BCKDHB: variants seen among roughly 807,000 people sequenced by gnomAD.
BCKDHB encodes 2-oxoisovalerate dehydrogenase subunit beta, mitochondrial.
In BCKDHB, 41 loss-of-function variants were observed where a neutral mutation model predicts 48.5. The observed-to-expected ratio is 0.85, with a 90% CI of 0.66 to 1.10. The LOEUF is 1.10. Among genes scored for constraint, BCKDHB ranks in the 50% least tolerant of loss-of-function variants. The probability of loss-of-function intolerance (pLI) is 0.00; values close to 1 mark genes in which losing one functional copy is unlikely to be tolerated. For synonymous variants in BCKDHB, 201 were observed against 174.8 expected (o/e 1.15, Z -1.18); for missense variants, 496 against 494.2 (o/e 1.00, Z -0.03).
chr6:80,428,088 G>C, the BCKDHB span, among the ~76,000 whole-genome samples: 1 of 147,066 alleles, frequency 6.8e-6, no homozygotes, highest in Non-Finnish European at 1.5e-5. Flanking sequence ...TGTTCTCATT[G>C]TTCAACTCCC....
intron 9 of BCKDHB, among the ~76,000 whole-genome samples, chr6:80,297,170 C>T (rs1767299984): frequency 6.6e-6 from 1 of 152,108 alleles, no homozygotes; most frequent in African/African-American, 2.4e-5. Context: ...CACAATGATC[C>T]AATGTAGGTA....
At chr6:80,465,146 G>A in the BCKDHB span, among the ~76,000 whole-genome samples, 1 of 152,166 alleles carries the variant, frequency 6.6e-6, no homozygotes, top group African/African-American at 2.4e-5. Flanking sequence ...CCCTGTGGTG[G>A]CATTTCCCCA....
chr6:80,420,548 C>T, the BCKDHB span, among the ~76,000 whole-genome samples: 8 of 152,288 alleles, frequency 5.3e-5, no homozygotes, highest in African/African-American at 7.2e-5. Context: ...AAGATCTGTA[C>T]ATGCTGTTGA....
chr6:80,132,831 T>C (rs1770696881), intron 3 of BCKDHB, among the ~76,000 whole-genome samples: 1 of 152,110 alleles, frequency 6.6e-6, no homozygotes, highest in Non-Finnish European at 1.5e-5. Flanking sequence ...AAGGAAAGGG[T>C]GAAGAGAAAT....
chr6:80,446,623 G>T, the BCKDHB span, among the ~76,000 whole-genome samples: 10 of 151,552 alleles, frequency 6.6e-5, no homozygotes, highest in Admixed American at 2.6e-4. Flanking sequence ...AGGGGCAAGT[G>T]TAAGAGTTAA....
chr6:80,361,690 G>A, the BCKDHB span, among the ~76,000 whole-genome samples: 2 of 152,182 alleles, frequency 1.3e-5, no homozygotes, highest in African/African-American at 2.4e-5. Flanking sequence ...TGGTCATGTT[G>A]ACACTGGTAG....
At chr6:80,163,042 C>G (rs1311148424) in intron 3 of BCKDHB, among the ~76,000 whole-genome samples, 2 of 151,818 alleles carry the variant, frequency 1.3e-5, no homozygotes, top group African/African-American at 4.8e-5. Context: ...CCCACCTTAG[C>G]CTCCTGAGTA....
the BCKDHB span, among the ~76,000 whole-genome samples, chr6:80,366,885 C>A: frequency 6.6e-6 from 1 of 152,204 alleles, no homozygotes; most frequent in East Asian, 1.9e-4. Flanking sequence ...AGACATCTGG[C>A]AGAATTAGGA....
intron 9 of BCKDHB, among the ~76,000 whole-genome samples, chr6:80,332,835 CA>C (rs1368906188): frequency 6.6e-6 from 1 of 151,750 alleles, no homozygotes; most frequent in Non-Finnish European, 1.5e-5. Flanking sequence ...TCATGCCCTG[CA>C]TGCAGGCAAA....
At chr6:80,414,932 G>C in the BCKDHB span, among the ~76,000 whole-genome samples, 1 of 151,914 alleles carries the variant, frequency 6.6e-6, no homozygotes, top group South Asian at 2.1e-4. Context: ...TGATTTCTTT[G>C]AACAATGTTT....
At position 80,344,689 on chromosome 6, in the gene BCKDHB, T is replaced by C. The variant is rs1479811763; in HGVS notation, c.*885T>C. 1 of 152,208 alleles carries C rather than the reference T, an allele frequency of 6.6e-6. No homozygotes were observed. The highest frequency in any genetic ancestry group is 6.5e-5 in the Admixed American group (1 of 15,282). 9.4% of individuals were successfully genotyped at this position (152,208 alleles called of 1,614,324 possible). ...AAATAGATGCATGCATATGTTAACATTGAATAGTCAATCACTAGATGAAGA... is the reference window on the plus strand; with the variant it reads ...AAATAGATGCATGCATATGTTAACACTGAATAGTCAATCACTAGATGAAGA... On this transcript the variant is annotated 3_prime_UTR_variant, in exon 10 of 10. Transcript: ENST00000320393.
intron 9 of BCKDHB, among the ~76,000 whole-genome samples, chr6:80,304,441 A>G (rs1424566760): frequency 1.3e-5 from 2 of 152,170 alleles, no homozygotes; most frequent in Non-Finnish European, 2.9e-5. Context: ...AGAAAACTCA[A>G]ATCTTCCTAT....
intron 5 of BCKDHB, chr6:80,169,823 A>G (rs763343867): frequency 6.2e-7 from 1 of 1,608,870 alleles, no homozygotes; most frequent in Admixed American, 1.7e-5. Context: ...CAAAGTTATA[A>G]GCTTATCTTA....
chr6:80,379,973 A>T, the BCKDHB span, among the ~76,000 whole-genome samples: 2 of 152,158 alleles, frequency 1.3e-5, no homozygotes, highest in African/African-American at 4.8e-5. Context: ...ATGCTCATGG[A>T]TTAGAAGAAT....
At chr6:80,112,791 T>G (rs528880664) in intron 1 of BCKDHB, among the ~76,000 whole-genome samples, 12 of 152,298 alleles carry the variant, frequency 7.9e-5, no homozygotes, top group Admixed American at 7.8e-4. Context: ...AATCTTAGAG[T>G]GTCAGACGTC....
chr6:80,262,400 C>A (rs1777344559), intron 8 of BCKDHB, among the ~76,000 whole-genome samples: 1 of 152,066 alleles, frequency 6.6e-6, no homozygotes, highest in Non-Finnish European at 1.5e-5. Context: ...CTATTTTAAA[C>A]CAGAAGTCCA....
chr6:80,308,579 TTTC>T (rs201942046), intron 9 of BCKDHB, among the ~76,000 whole-genome samples: 41 of 147,376 alleles, frequency 2.8e-4, no homozygotes, highest in African/African-American at 7.6e-4. Context: ...ACAGGTAGAT[TTTC>T]TTCTTCTTCT....
chr6:80,407,821 C>T, the BCKDHB span, among the ~76,000 whole-genome samples: 1 of 152,288 alleles, frequency 6.6e-6, no homozygotes, highest in East Asian at 1.9e-4. Context: ...TTGACTTCCT[C>T]TTTTTCTAAT....
At chr6:80,403,483 T>G in the BCKDHB span, among the ~76,000 whole-genome samples, 13,628 of 151,914 alleles carry the variant, frequency 0.09, 1,893 homozygotes, top group African/African-American at 0.3. Flanking sequence ...TTTTGGTGGA[T>G]TCTTTAGGGT....
Sources: allele counts gnomAD v4.1 joint callset (sites outside exome capture counted in the v4.1 genomes callset), GRCh38; gene constraint gnomAD v4.1.1; transcripts MANE v1.5; gene names NCBI Gene and HGNC (gene_info 2026-07-23, HGNC 2026-07-21).